Variants in PDS5A observed in about 807,000 individuals in gnomAD.
The protein encoded by PDS5A is sister chromatid cohesion protein PDS5 homolog A.
A neutral mutation model predicts 167.1 loss-of-function variants in PDS5A; 42 were observed. That is an observed-to-expected ratio of 0.25 (90% confidence interval 0.20 to 0.33). The LOEUF is 0.33. PDS5A is among the 10% of genes least tolerant of loss of function. The probability of loss-of-function intolerance (pLI) is 1.00; values close to 1 mark genes in which losing one functional copy is unlikely to be tolerated. For synonymous variants in PDS5A, 553 were observed against 554.6 expected, an observed-to-expected ratio of 1.00 and a Z score of 0.04; for missense variants, 1,033 against 1,605.9, an observed-to-expected ratio of 0.64 and a Z score of 6.10.
At position 39,894,144 on chromosome 4, in the gene PDS5A, T is replaced by C. The variant is rs147686300; in HGVS notation, c.1771-3780A>G. 6.8e-4 allele frequency among the ~76,000 whole-genome samples: 104 copies of C among 152,316 alleles called. 1 individual carries two copies. In the East Asian group the frequency reaches 0.018, roughly 26 times the overall value. ...AAAGCTTATTGGGCATGGTGGATCA[T>C]GCCTGTAATCCCACTACTTTGGGAG... is the stretch of plus-strand genomic sequence containing the variant. On this transcript the variant is annotated intron_variant, in intron 16 of 32. Transcript: ENST00000303538.
intron 23 of PDS5A, 69 bp from the exon 24 acceptor site, chr4:39,863,528 C>T: frequency 8.5e-7 from 1 of 1,172,016 alleles, no homozygotes; most frequent in Non-Finnish European, 1.2e-6. Context: ...GCTTTCGTCC[C>T]TTTTTGAATG....
intron 2 of PDS5A, among the ~76,000 whole-genome samples, chr4:39,950,402 C>A (rs920732992): frequency 6.6e-6 from 1 of 151,698 alleles, no homozygotes; most frequent in Non-Finnish European, 1.5e-5. Context: ...ATACTTCAGC[C>A]TGGGTGACAG....
intron 2 of PDS5A, among the ~76,000 whole-genome samples, chr4:39,971,869 C>T (rs765104353): frequency 6.6e-6 from 1 of 152,010 alleles, no homozygotes; most frequent in African/African-American, 2.4e-5. Context: ...AATAAAAAAA[C>T]AAAATTTCAA....
chr4:39,919,639 C>T (rs1037549814), intron 7 of PDS5A, among the ~76,000 whole-genome samples: 5 of 151,984 alleles, frequency 3.3e-5, no homozygotes, highest in South Asian at 2.1e-4. Context: ...AGTGAGACTC[C>T]GTCTCAAAAA....
At chr4:39,971,133 T>C (rs1036372243) in intron 2 of PDS5A, among the ~76,000 whole-genome samples, 3 of 149,936 alleles carry the variant, frequency 2.0e-5, no homozygotes, top group African/African-American at 7.6e-5. Flanking sequence ...TCCTTTGTAA[T>C]TGCCTTTAAG....
At chr4:39,828,548 G>T (rs1399791524) in intron 32 of PDS5A, among the ~76,000 whole-genome samples, 1 of 152,168 alleles carries the variant, frequency 6.6e-6, no homozygotes, top group Non-Finnish European at 1.5e-5. Context: ...TCACACATCA[G>T]AAATCTACCT....
At chr4:39,844,581 G>A in intron 30 of PDS5A, 75 bp downstream of exon 30, 1 of 1,107,110 alleles carries the variant, frequency 9.0e-7, no homozygotes, top group South Asian at 1.6e-5. Context: ...ACCATTTTAT[G>A]AGACAGCACT....
intron 6 of PDS5A, among the ~76,000 whole-genome samples, chr4:39,921,835 A>C (rs1278490787): frequency 6.6e-6 from 1 of 152,238 alleles, no homozygotes; most frequent in East Asian, 1.9e-4. Flanking sequence ...CTCCTTTGCC[A>C]TAGTCTCAGA....
chr4:39,874,714 T>C (rs1720323705), intron 19 of PDS5A, among the ~76,000 whole-genome samples: 1 of 152,208 alleles, frequency 6.6e-6, no homozygotes, highest in African/African-American at 2.4e-5. Context: ...CCATGACATA[T>C]TTTTGCATTT....
At chr4:39,852,351 G>C (rs960733871) in intron 26 of PDS5A, among the ~76,000 whole-genome samples, 1 of 152,110 alleles carries the variant, frequency 6.6e-6, no homozygotes, top group Non-Finnish European at 1.5e-5. Flanking sequence ...TACTGCCCAA[G>C]AAATGTAATC....
chr4:39,920,820 G>C (rs1032932187), intron 6 of PDS5A, among the ~76,000 whole-genome samples: 3 of 152,304 alleles, frequency 2.0e-5, no homozygotes, highest in Middle Eastern at 3.4e-3. Flanking sequence ...GCGTGCTCTG[G>C]AGAAGAGTAG....
At chr4:39,849,959 G>C (rs1717970398) in intron 26 of PDS5A, among the ~76,000 whole-genome samples, 1 of 152,098 alleles carries the variant, frequency 6.6e-6, no homozygotes, top group Non-Finnish European at 1.5e-5. Flanking sequence ...GGGTGGCTAA[G>C]GTGGGTAGAT....
chr4:39,919,225 G>T (rs1724687092), intron 7 of PDS5A, among the ~76,000 whole-genome samples: 1 of 151,990 alleles, frequency 6.6e-6, no homozygotes, highest in Non-Finnish European at 1.5e-5. Flanking sequence ...ATTAGGAAAG[G>T]AAAGAAACAC....
chr4:39,960,874 G>C (rs1044334060), intron 2 of PDS5A, among the ~76,000 whole-genome samples: 1 of 152,062 alleles, frequency 6.6e-6, no homozygotes, highest in African/African-American at 2.4e-5. Context: ...ATTTTTAGTA[G>C]AGATAGGGTT....
At chr4:39,848,427 T>C (rs553029102) in intron 28 of PDS5A, 5 of 170,114 alleles carry the variant, frequency 2.9e-5, no homozygotes, top group Admixed American at 1.1e-4. Context: ...AAACTCTTCA[T>C]ATAAACCTAG....
chr4:39,961,840 T>G (rs1166343147), intron 2 of PDS5A, among the ~76,000 whole-genome samples: 2 of 152,250 alleles, frequency 1.3e-5, no homozygotes, highest in Non-Finnish European at 2.9e-5. Context: ...TGATACAAGA[T>G]ATATAAATCA....
At chr4:39,872,587 G>A (rs994285506) in intron 21 of PDS5A, among the ~76,000 whole-genome samples, 4 of 152,074 alleles carry the variant, frequency 2.6e-5, no homozygotes, top group Non-Finnish European at 4.4e-5. Context: ...GGAGGCCAAG[G>A]TTGCAGTGAG....
At chr4:39,860,931 A>T (rs1176199731) in intron 26 of PDS5A, among the ~76,000 whole-genome samples, 2 of 151,922 alleles carry the variant, frequency 1.3e-5, no homozygotes, top group Admixed American at 1.3e-4. Flanking sequence ...TTAGCTGGGC[A>T]TGGTGGCACA....
chr4:39,915,136 T>G (rs935876132), intron 8 of PDS5A, among the ~76,000 whole-genome samples: 2 of 151,930 alleles, frequency 1.3e-5, no homozygotes, highest in Non-Finnish European at 2.9e-5. Flanking sequence ...ACTCCTGGGC[T>G]CAAGTGATCC....
Sources: allele counts gnomAD v4.1 joint callset (sites outside exome capture counted in the v4.1 genomes callset), GRCh38; gene constraint gnomAD v4.1.1; transcripts MANE v1.5; gene names NCBI Gene and HGNC (gene_info 2026-07-23, HGNC 2026-07-21).